Variants in ZNF618 observed in about 807,000 individuals in gnomAD.
ZNF618 encodes zinc finger protein 618.
ZNF618 carries 34 observed loss-of-function variants against 103.0 expected under a neutral mutation model. That is an observed-to-expected ratio of 0.33 (90% CI 0.25 to 0.44). The LOEUF is 0.44. Ranked by LOEUF, ZNF618 falls within the 20% of genes least tolerant of loss-of-function variation. ZNF618 has a pLI of 1.00. For synonymous variants in ZNF618, 551 were observed against 542.2 expected, an observed-to-expected ratio of 1.02 and a Z score of -0.23; for missense variants, 1,059 against 1,295.4, an observed-to-expected ratio of 0.82 and a Z score of 2.80.
chr9:113,988,347 G>A lies in ZNF618; in HGVS notation c.104G>A (p.Ser35Asn), dbSNP rs201534720. 2.7e-5 allele frequency: 43 copies of A among 1,613,070 alleles called. No homozygotes were observed. In the African/African-American group the frequency reaches 3.7e-4, roughly 14 times the overall value. Residue 35 changes from serine (S) to asparagine (N), a missense_variant, in exon 3 of 15, where the codon AGC becomes AAC. Transcript: ENST00000374126. Reference protein sequence around the residue: ...SRERLKRSQKSTKVEGPEPVP... With the variant: ...SRERLKRSQKNTKVEGPEPVP... ...GAGCGCTTGAAGCGCAGCCAGAAGA[G>A]CACCAAGGTGGAGGGCCCAGAGCCA...
At chr9:113,964,888 A>C (rs540813818) in intron 1 of ZNF618, among the ~76,000 whole-genome samples, 1 of 151,956 alleles carries the variant, frequency 6.6e-6, no homozygotes, top group Non-Finnish European at 1.5e-5. Context: ...TTTCAGCATG[A>C]AAGAAAGCCT....
intron 9 of ZNF618, chr9:114,016,040 A>G (rs1367565546): frequency 7.1e-7 from 1 of 1,402,206 alleles, no homozygotes; most frequent in African/African-American, 1.4e-5. Context: ...TTTGGGGGTT[A>G]CAGATGATTG....
chr9:114,007,597 T>C (rs1470583505), intron 7 of ZNF618, among the ~76,000 whole-genome samples, 158 bp downstream of exon 7: 1 of 152,198 alleles, frequency 6.6e-6, no homozygotes, highest in African/African-American at 2.4e-5. Flanking sequence ...TGGAGGATTC[T>C]GGGGGCGGGA....
chr9:114,003,066 T>C (rs1375095702), intron 6 of ZNF618, among the ~76,000 whole-genome samples: 3 of 152,248 alleles, frequency 2.0e-5, no homozygotes, highest in Non-Finnish European at 4.4e-5. Context: ...CTCTGACTCA[T>C]GACTCTGGGG....
chr9:113,972,205 C>G (rs556672104), intron 2 of ZNF618, among the ~76,000 whole-genome samples: 90 of 152,098 alleles, frequency 5.9e-4, no homozygotes, highest in Middle Eastern at 3.4e-3. Context: ...GCAGCACTAC[C>G]CCTGGCTAAT....
chr9:113,955,445 T>C (rs1356291944), intron 1 of ZNF618, among the ~76,000 whole-genome samples: 3 of 152,218 alleles, frequency 2.0e-5, no homozygotes, highest in East Asian at 3.8e-4. Context: ...TTTGTAGGAA[T>C]ATGAGTGATT....
At chr9:113,967,275 A>T (rs956529913) in intron 1 of ZNF618, among the ~76,000 whole-genome samples, 2 of 152,230 alleles carry the variant, frequency 1.3e-5, no homozygotes, top group Admixed American at 1.3e-4. Context: ...TGCTTTGCAT[A>T]CAAGTTTTGA....
intron 12 of ZNF618, among the ~76,000 whole-genome samples, chr9:114,035,726 C>G (rs1047088453): frequency 2.0e-5 from 3 of 151,890 alleles, no homozygotes; most frequent in Non-Finnish European, 4.4e-5. Flanking sequence ...TGTTCCTACG[C>G]GTGCCCTCCC....
At chr9:113,993,693 C>T (rs1157853861) in intron 3 of ZNF618, among the ~76,000 whole-genome samples, 3 of 152,130 alleles carry the variant, frequency 2.0e-5, no homozygotes, top group Admixed American at 6.6e-5. Context: ...TGCAGGAGAC[C>T]GTGGAGGGAA....
At chr9:114,028,315 C>G (rs187013561) in intron 10 of ZNF618, 15 of 185,390 alleles carry the variant, frequency 8.1e-5, no homozygotes, top group East Asian at 1.3e-4. Context: ...CTGCCTCACC[C>G]CCAGCCCCGG....
At chr9:113,977,312 CA>C (rs1279026040) in intron 2 of ZNF618, among the ~76,000 whole-genome samples, 1 of 152,128 alleles carries the variant, frequency 6.6e-6, no homozygotes, top group Non-Finnish European at 1.5e-5. Context: ...AGAAGATGGC[CA>C]GAGGAGTTGG....
intron 1 of ZNF618, among the ~76,000 whole-genome samples, chr9:113,881,095 C>T (rs900205969): frequency 5.3e-5 from 8 of 152,134 alleles, no homozygotes; most frequent in South Asian, 2.1e-4. Flanking sequence ...TTGAAGGCAG[C>T]GTCTTTGCAA....
chr9:114,032,516 GT>G (rs1215667625), intron 11 of ZNF618, 128 bp from the exon 12 acceptor site: 3 of 809,668 alleles, frequency 3.7e-6, no homozygotes, highest in Non-Finnish European at 6.4e-6. Context: ...CTGGCTTGAG[GT>G]CCTGGAGCCC....
intron 6 of ZNF618, among the ~76,000 whole-genome samples, chr9:114,005,471 C>T (rs971764579): frequency 6.6e-6 from 1 of 152,110 alleles, no homozygotes; most frequent in African/African-American, 2.4e-5. Flanking sequence ...CCTGGGGGCT[C>T]ACGTTTTATT....
At chr9:113,943,110 A>G (rs924271699) in intron 1 of ZNF618, among the ~76,000 whole-genome samples, 2 of 151,608 alleles carry the variant, frequency 1.3e-5, no homozygotes, top group African/African-American at 4.9e-5. Flanking sequence ...ACAACTCTTC[A>G]CTCCTCCTGG....
intron 10 of ZNF618, among the ~76,000 whole-genome samples, chr9:114,024,747 A>G (rs1240078082): frequency 1.7e-5 from 2 of 116,016 alleles, no homozygotes; most frequent in African/African-American, 3.3e-5. Flanking sequence ...CCCATCCCCC[A>G]TTAGCTGTTT....
chr9:114,048,170 G>A (rs1355687027), intron 14 of ZNF618, among the ~76,000 whole-genome samples, 176 bp downstream of exon 14: 1 of 152,214 alleles, frequency 6.6e-6, no homozygotes, highest in East Asian at 1.9e-4. Flanking sequence ...CTCAGGGGAT[G>A]GGCAGAAGGA....
chr9:113,882,701 G>A (rs1828643886), intron 1 of ZNF618, among the ~76,000 whole-genome samples: 1 of 152,170 alleles, frequency 6.6e-6, no homozygotes, highest in African/African-American at 2.4e-5. Flanking sequence ...TTCTGGATTT[G>A]TTTCTGAGCC....
At chr9:113,947,750 T>G (rs925090261) in intron 1 of ZNF618, among the ~76,000 whole-genome samples, 4 of 152,180 alleles carry the variant, frequency 2.6e-5, no homozygotes, top group African/African-American at 9.7e-5. Context: ...CCCCAGCCTT[T>G]TAGAATGTGA....
Sources: gnomAD v4.1 joint callset for allele counts (sites outside exome capture counted in the v4.1 genomes callset) on GRCh38, gnomAD v4.1.1 for gene constraint, MANE v1.5 for transcripts, NCBI Gene and HGNC (gene_info 2026-07-23, HGNC 2026-07-21) for gene names.